Variants in TFB2M observed in about 807,000 individuals in gnomAD.
TFB2M encodes the protein transcription factor B2, mitochondrial.
Under a neutral mutation model 41.3 loss-of-function variants are expected in TFB2M, and 44 were observed. The ratio of observed to expected loss-of-function variants is 1.07; its 90% CI spans 0.84 to 1.37. The LOEUF is 1.37. Ranked by LOEUF, TFB2M falls within the 40% of genes most tolerant of loss-of-function variation. The probability of loss-of-function intolerance (pLI) is 0.00; values close to 1 mark genes in which losing one functional copy is unlikely to be tolerated. For synonymous variants in TFB2M, 188 were observed against 176.8 expected (o/e 1.06, Z -0.50); for missense variants, 496 against 490.2 (o/e 1.01, Z -0.11).
At chr1:246,544,995 TG>T in intron 6 of TFB2M, among the ~76,000 whole-genome samples, 1 of 151,446 alleles carries the variant, frequency 6.6e-6, no homozygotes, top group East Asian at 2.0e-4. Flanking sequence ...TTAGTAGAGA[TG>T]GGGTTTCACC....
At chr1:246,565,597 T>C (rs1659623462) in intron 1 of TFB2M, among the ~76,000 whole-genome samples, 2 of 152,064 alleles carry the variant, frequency 1.3e-5, no homozygotes, top group Non-Finnish European at 2.9e-5. Context: ...CTGTAGTTCT[T>C]GCTACTCGGG....
chr1:246,551,128 T>C (rs540732113), intron 5 of TFB2M, 85 bp downstream of exon 5: 4 of 1,002,414 alleles, frequency 4.0e-6, no homozygotes, highest in African/African-American at 1.6e-5. Context: ...CAAGCTATGA[T>C]TGTGCCACTG....
rs750785115 is a variant in TFB2M at position 246,565,939 on chromosome 1, G to T, written c.200C>A (p.Ala67Asp). The change falls in exon 1 of 8, where the codon GCC (alanine) becomes GAC (aspartate). Residue 67 changes from alanine to aspartate, a missense_variant. Ala to Asp is a moderately radical substitution (Grantham distance 126). Coordinates refer to ENST00000366514, the MANE Select transcript of TFB2M (RefSeq NM_022366.3). ...FRNPPRKASK[A>D]SLDFKRYVTD... is the part of the protein sequence containing the mutation. ...TACGTAACGCTTAAAGTCTAAGCTGGCCTTAGACGCCTTCCTTGGCGGATT... is the reference window on the plus strand; with the variant it reads ...TACGTAACGCTTAAAGTCTAAGCTGTCCTTAGACGCCTTCCTTGGCGGATT... 1 of 1,614,224 alleles carries T rather than the reference G, an allele frequency of 6.2e-7. No individual in the cohort carries two copies. The highest frequency in any genetic ancestry group is 8.5e-7 in the Non-Finnish European group (1 of 1,180,048).
rs1290866029 is a variant in TFB2M, at chr1:246,563,028, C to G, written c.402+1318G>C. Among the ~76,000 whole-genome samples the G allele has an allele frequency of 5.3e-5, 8 of 152,166 alleles. No homozygotes were observed. The East Asian group carries it at 1.4e-3, about 26-fold the overall frequency. ...CCTTGACGGACCCGCTTCCTGGTCC[C>G]TCAGCTGCTTCTGATGTTTCTTCTT... On this transcript the variant is annotated intron_variant, in intron 2 of 7. Coordinates refer to ENST00000366514, the MANE Select transcript of TFB2M (RefSeq NM_022366.3).
In TFB2M at chr1:246,561,197, A is replaced by T. The variant is rs935929860; in HGVS notation, c.402+3149T>A. 1.3e-3 allele frequency among the ~76,000 whole-genome samples: 200 copies of T among 152,346 alleles called. 1 individual carries two copies. Among genetic ancestry groups the T allele is most frequent in the African/African-American group, 4.6e-3 (191 of 41,582 alleles). On this transcript the variant is annotated intron_variant, in intron 2 of 7. Coordinates refer to ENST00000366514, the MANE Select transcript of TFB2M (RefSeq NM_022366.3). ...TTTGAATGGCTTTTCAATTTATCAT[A>T]ACAATGGTTACTAAAAAGTGAGAGA...
intron 6 of TFB2M, among the ~76,000 whole-genome samples, chr1:246,545,013 G>C (rs199502999): frequency 2.6e-5 from 4 of 151,826 alleles, no homozygotes; most frequent in South Asian, 2.1e-4. Flanking sequence ...CACCGTGTTA[G>C]CCAGGATGGT....
At chr1:246,553,265 T>G (rs1254696893) in intron 4 of TFB2M, among the ~76,000 whole-genome samples, 1 of 152,112 alleles carries the variant, frequency 6.6e-6, no homozygotes, top group Non-Finnish European at 1.5e-5. Context: ...TCAGCAAAGC[T>G]GCAGGATACA....
At chr1:246,544,990 A>G (rs998794633) in intron 6 of TFB2M, among the ~76,000 whole-genome samples, 7 of 151,904 alleles carry the variant, frequency 4.6e-5, no homozygotes, top group Non-Finnish European at 1.0e-4. Flanking sequence ...TATTTTTAGT[A>G]GAGATGGGGT....
chr1:246,562,817 G>A (rs1292604542), intron 2 of TFB2M, among the ~76,000 whole-genome samples: 1 of 152,004 alleles, frequency 6.6e-6, no homozygotes, highest in Non-Finnish European at 1.5e-5. Context: ...GCGCCACCAC[G>A]CCCAGCTAAG....
At chr1:246,543,119 C>G (rs1658908403) in intron 7 of TFB2M, among the ~76,000 whole-genome samples, 4 of 151,710 alleles carry the variant, frequency 2.6e-5, no homozygotes, top group Admixed American at 2.6e-4. Context: ...ACCTTGGCCT[C>G]ACAAAAATGC....
intron 2 of TFB2M, among the ~76,000 whole-genome samples, chr1:246,559,316 A>C (rs12746341): frequency 0.3 from 46,094 of 151,956 alleles, 7,658 homozygotes; most frequent in East Asian, 0.66. Context: ...TGGGAGGCCA[A>C]AGAGGGCGGA....
chr1:246,541,250 C>T (rs555599904), intron 7 of TFB2M, 48 bp from the exon 8 acceptor site: 2 of 1,567,852 alleles, frequency 1.3e-6, no homozygotes, highest in Admixed American at 1.8e-5. Flanking sequence ...TCTCATGCAT[C>T]TATCAGTTCA....
At chr1:246,556,827 G>T in intron 3 of TFB2M, 106 bp from the exon 4 acceptor site, 3 of 974,914 alleles carry the variant, frequency 3.1e-6, no homozygotes, top group Non-Finnish European at 1.5e-6. Context: ...TTAATTTCAA[G>T]TTTATTTCAA....
At chr1:246,551,108 A>C in intron 5 of TFB2M, 105 bp downstream of exon 5, 1 of 840,598 alleles carries the variant, frequency 1.2e-6, no homozygotes, top group Non-Finnish European at 2.0e-6. Flanking sequence ...CCAGTAGTTC[A>C]AGGCTGCAGC....
At chr1:246,550,834 G>A (rs1659155994) in intron 5 of TFB2M, among the ~76,000 whole-genome samples, 1 of 152,238 alleles carries the variant, frequency 6.6e-6, no homozygotes, top group African/African-American at 2.4e-5. Flanking sequence ...AGTGAGCCGA[G>A]ATCGAACCAC....
At chr1:246,551,067 C>T in intron 5 of TFB2M, 146 bp downstream of exon 5, 1 of 605,944 alleles carries the variant, frequency 1.7e-6, no homozygotes, top group Non-Finnish European at 2.9e-6. Flanking sequence ...CCCAGCTACT[C>T]CAGAGGCTAA....
chr1:246,561,032 G>C (rs540699603), intron 2 of TFB2M, among the ~76,000 whole-genome samples: 1 of 152,192 alleles, frequency 6.6e-6, no homozygotes, highest in Non-Finnish European at 1.5e-5. Flanking sequence ...CAGTTTTCAG[G>C]AACAAACTTT....
At chr1:246,550,054 T>C (rs532476280) in intron 5 of TFB2M, among the ~76,000 whole-genome samples, 1 of 152,300 alleles carries the variant, frequency 6.6e-6, no homozygotes, top group African/African-American at 2.4e-5. Flanking sequence ...GACCTTTCCT[T>C]TCTGGAGTTT....
chr1:246,552,624 A>G (rs1009732409), intron 4 of TFB2M, among the ~76,000 whole-genome samples: 2 of 151,556 alleles, frequency 1.3e-5, no homozygotes, highest in South Asian at 2.1e-4. Context: ...ACTTGAGCCC[A>G]GGAGTTTGAG....
Sources: allele counts gnomAD v4.1 joint callset (sites outside exome capture counted in the v4.1 genomes callset), GRCh38; gene constraint gnomAD v4.1.1; transcripts MANE v1.5; gene names NCBI Gene and HGNC (gene_info 2026-07-23, HGNC 2026-07-21).